The following ITGAX variants were observed in gnomAD, a reference collection of about 807,000 sequenced individuals.
The protein encoded by ITGAX is integrin subunit alpha X.
ITGAX carries 99 observed loss-of-function variants against 140.2 expected under a neutral mutation model. That is an observed-to-expected ratio of 0.71 (90% CI 0.60 to 0.83). The LOEUF (loss-of-function observed/expected upper bound fraction) is 0.83, where lower values mean the gene tolerates loss of function less well. Ranked by LOEUF, ITGAX falls within the 40% of genes least tolerant of loss-of-function variation. ITGAX has a pLI of 0.00. For synonymous variants in ITGAX, 631 were observed against 600.4 expected (o/e 1.05, Z -0.75); for missense variants, 1,444 against 1,482.0 (o/e 0.97, Z 0.42).
Position 31,360,395 on chromosome 16 carries a change from GA to G in ITGAX, c.794del (p.Asp265AlafsTer26). ...IVITDGKKEGDSLDYKDVIPM... is the reference protein window; with the variant it reads ...IVITDGKKEGXSLDYKDVIPM... ...CATCACTGATGGGAAGAAAGAAGGCGACAGCCTGGATTATAAGGATGTCATC... is the reference window on the plus strand; with the variant it reads ...CATCACTGATGGGAAGAAAGAAGGCGCAGCCTGGATTATAAGGATGTCATC... On this transcript the variant is annotated frameshift_variant, in exon 8 of 30. Coordinates refer to ENST00000268296, the MANE Select transcript of ITGAX (RefSeq NM_000887.5). LOFTEE classifies it high-confidence loss of function. The G allele has an allele frequency of 6.2e-7, 1 of 1,614,050 alleles. No homozygotes were observed. The highest frequency in any genetic ancestry group is 8.5e-7 in the Non-Finnish European group (1 of 1,179,980).
chr16:31,367,897 C>T (rs1275392254), intron 14 of ITGAX, among the ~76,000 whole-genome samples: 1 of 152,190 alleles, frequency 6.6e-6, no homozygotes, highest in Non-Finnish European at 1.5e-5. Flanking sequence ...AAAAATTCAC[C>T]ATTTTAGATG....
intron 9 of ITGAX, 132 bp from the exon 10 acceptor site, chr16:31,361,704 A>G: frequency 9.9e-7 from 1 of 1,010,322 alleles, no homozygotes; most frequent in Non-Finnish European, 1.5e-6. Context: ...TGGAGGGCAG[A>G]GCCTGGTCCC....
chr16:31,366,277 G>C (rs926325509), intron 14 of ITGAX, among the ~76,000 whole-genome samples: 3 of 152,170 alleles, frequency 2.0e-5, no homozygotes, highest in Non-Finnish European at 2.9e-5. Context: ...TGTGATCAGT[G>C]ATCTTCGATG....
chr16:31,382,228 C>CTTTTTTTTTTTTTTCTTTTTTTTT lies in ITGAX; in HGVS notation c.*335_*336insCTTTTTTTTTTTTTTTTTTTTTTT. On this transcript the variant is annotated 3_prime_UTR_variant, in exon 30 of 30. Coordinates refer to ENST00000268296, the MANE Select transcript of ITGAX (RefSeq NM_000887.5). ...GGCACGAATGATCTTTCTTTCCTTT[C>CTTTTTTTTTTTTTTCTTTTTTTTT]TTTTTTTTTTTTTTTCTTTTCTTTT... is the stretch of plus-strand genomic sequence containing the variant. The CTTTTTTTTTTTTTTCTTTTTTTTT allele has an allele frequency of 2.2e-6, 2 of 902,768 alleles. No individual in the cohort carries two copies. The highest frequency in any genetic ancestry group is 2.2e-5 in the South Asian group (1 of 45,500). The allele number at this position is 902,768 out of a possible 1,614,324, so 55.9% of individuals were successfully genotyped here.
intron 28 of ITGAX, 86 bp from the exon 29 acceptor site, chr16:31,380,811 G>A (rs746802770): frequency 8.3e-6 from 11 of 1,327,848 alleles, no homozygotes; most frequent in Admixed American, 3.6e-5. Context: ...GGGAAGGAGG[G>A]GAGGGAGTTA....
At position 31,374,744 on chromosome 16, in the gene ITGAX, C is replaced by T. The variant is rs1246040862; in HGVS notation, c.2508+1354C>T. On this transcript the variant is annotated intron_variant, in intron 20 of 29. Coordinates refer to ENST00000268296, the MANE Select transcript of ITGAX (RefSeq NM_000887.5). ...GACATGAGCCACTGTGCCTGACCTG[C>T]TAAAGTATTTTAAAACAAATCTCAG... is the stretch of plus-strand genomic sequence containing the variant. Among the ~76,000 whole-genome samples, 4 of 152,186 alleles carry T rather than the reference C, an allele frequency of 2.6e-5. No homozygotes were observed. In the South Asian group the frequency reaches 6.2e-4, roughly 24 times the overall value.
rs374147963 is a variant in ITGAX at position 31,371,074 on chromosome 16, C to T, written c.1711-10C>T. On this transcript the variant is annotated splice_polypyrimidine_tract_variant and intron_variant, in intron 14 of 29. Transcript: ENST00000268296. Reference sequence around the variant, plus strand: ...TTCCATCTTGATTCACCCTTCTCTCCTCTGGCCAGCGGATCGCGGGCTCCC... The same window carrying T: ...TTCCATCTTGATTCACCCTTCTCTCTTCTGGCCAGCGGATCGCGGGCTCCC... The T allele has an allele frequency of 3.6e-5, 58 of 1,613,768 alleles. 2 individuals carry two copies. The highest frequency in any genetic ancestry group is 3.4e-4 in the Middle Eastern group (2 of 5,860).
At chr16:31,366,903 T>A (rs183654288) in intron 14 of ITGAX, among the ~76,000 whole-genome samples, 14 of 152,374 alleles carry the variant, frequency 9.2e-5, no homozygotes, top group African/African-American at 3.4e-4. Flanking sequence ...TGAAGGCCTT[T>A]TGCACCAAAC....
chr16:31,361,514 G>A lies in ITGAX; in HGVS notation c.1012+301G>A, dbSNP rs1055685748. 1.3e-5 allele frequency: 9 copies of A among 672,912 alleles called. No individual in the cohort carries two copies. In the Admixed American group the frequency reaches 1.7e-4, roughly 13 times the overall value. The allele number at this position is 672,912 out of a possible 1,614,324, so 41.7% of individuals were successfully genotyped here. ...CCCAGGAGACCCTTCCACCCACACC[G>A]GGCCCTACCCAGCCCACATCCCACC... On this transcript the variant is annotated intron_variant, in intron 9 of 29. Coordinates refer to ENST00000268296, the MANE Select transcript of ITGAX (RefSeq NM_000887.5).
At position 31,360,069 on chromosome 16, in the gene ITGAX, A is replaced by G; in HGVS notation, c.707+4A>G. 1.9e-6 allele frequency: 3 copies of G among 1,609,014 alleles called. No homozygotes were observed. The highest frequency in any genetic ancestry group is 2.5e-6 in the Non-Finnish European group (3 of 1,179,974). Reference sequence around the variant, plus strand: ...CCACCGCCATCCAAAATGTCGTGTGAGTCCTGATTTCTTCCAGGCACAGTC... The same window carrying G: ...CCACCGCCATCCAAAATGTCGTGTGGGTCCTGATTTCTTCCAGGCACAGTC... On this transcript the variant is annotated splice_donor_region_variant and intron_variant, in intron 7 of 29. Transcript: ENST00000268296.
At chr16:31,364,517 T>C (rs1374800153) in intron 14 of ITGAX, among the ~76,000 whole-genome samples, 2 of 143,026 alleles carry the variant, frequency 1.4e-5, no homozygotes, top group East Asian at 4.3e-4. Flanking sequence ...AATGGGTGCA[T>C]AAAATGATTC....
chr16:31,382,240 T>TTTC lies in ITGAX; in HGVS notation c.*335_*336insCTT. On this transcript the variant is annotated 3_prime_UTR_variant, in exon 30 of 30. Transcript: ENST00000268296. Reference sequence around the variant, plus strand: ...CTTTCTTTCCTTTCTTTTTTTTTTTTTTTCTTTTCTTTTTTTTTTTTTTGA... The same window carrying TTTC: ...CTTTCTTTCCTTTCTTTTTTTTTTTTTTCTTTCTTTTCTTTTTTTTTTTTTTGA... 8.9e-7 allele frequency: 1 copy of TTTC among 1,129,234 alleles called. No individual in the cohort carries two copies. The allele number at this position is 1,129,234 out of a possible 1,614,324, so 70.0% of individuals were successfully genotyped here.
chr16:31,371,734 C>T lies in ITGAX; in HGVS notation c.2110C>T (p.Arg704Ter), dbSNP rs753410813. ...AAAGAACCGGAGTCTGAGCCGAGTCCGAGTCCTCGGGCTGAAGGCACACTG... is the reference window on the plus strand; with the variant it reads ...AAAGAACCGGAGTCTGAGCCGAGTCTGAGTCCTCGGGCTGAAGGCACACTG... ...ETKNRSLSRV[R>*]VLGLKAHCEN... is the part of the protein sequence containing the mutation. Residue 704 changes from arginine (R) to a stop codon, truncating the protein, a stop_gained, in exon 17 of 30, where the codon CGA becomes TGA. Transcript: ENST00000268296. LOFTEE classifies it high-confidence loss of function. 10 of 1,614,104 alleles carry T rather than the reference C, an allele frequency of 6.2e-6. No individual in the cohort carries two copies. The East Asian group carries it at 8.9e-5, about 14-fold the overall frequency.
In ITGAX at chr16:31,380,259, C is replaced by T. The variant is rs752846474; in HGVS notation, c.3061-7C>T. 7 of 1,612,858 alleles carry T rather than the reference C, an allele frequency of 4.3e-6. No individual in the cohort carries two copies. The highest frequency in any genetic ancestry group is 2.2e-5 in the East Asian group (1 of 44,816). ...TTCTCAGCCCCATGCTATTTATCTG[C>T]CCCCAGGACTGCTCCATTGCTGGCT... On this transcript the variant is annotated splice_region_variant and splice_polypyrimidine_tract_variant and intron_variant, in intron 26 of 29. Transcript: ENST00000268296.
At position 31,371,556 on chromosome 16, in the gene ITGAX, C is replaced by A. The variant is rs556349070; in HGVS notation, c.2005+59C>A. The A allele has an allele frequency of 8.7e-6, 14 of 1,609,226 alleles. No homozygotes were observed. In the South Asian group the frequency reaches 1.4e-4, roughly 16 times the overall value. On this transcript the variant is annotated intron_variant, in intron 16 of 29. Coordinates refer to ENST00000268296, the MANE Select transcript of ITGAX (RefSeq NM_000887.5). ...GACCTCTGGAGTCCCCCATCCCAGG[C>A]CCCTGTCTCCCACCCTGCTCATTGT... is the stretch of plus-strand genomic sequence containing the variant.
At chr16:31,370,959 C>A in intron 14 of ITGAX, 125 bp from the exon 15 acceptor site, 1 of 1,173,882 alleles carries the variant, frequency 8.5e-7, no homozygotes, top group South Asian at 1.3e-5. Flanking sequence ...TTCTTGGTGA[C>A]ATCTGTTCAC....
In ITGAX at chr16:31,362,924, C is replaced by T. The variant is rs777739849; in HGVS notation, c.1360-11C>T. 6.2e-7 allele frequency: 1 copy of T among 1,611,550 alleles called. No individual in the cohort carries two copies. The highest frequency in any genetic ancestry group is 1.1e-5 in the South Asian group (1 of 90,992). On this transcript the variant is annotated splice_polypyrimidine_tract_variant and intron_variant, in intron 12 of 29. Coordinates refer to ENST00000268296, the MANE Select transcript of ITGAX (RefSeq NM_000887.5). ...AGGGACAGGCAGCATGACCCAGGCT[C>T]TGCCCTTCAGATCGGCTCCTACTTC...
chr16:31,371,172 T>G lies in ITGAX; in HGVS notation c.1799T>G (p.Val600Gly). ...GGQDLTQDGL[V>G]DLAVGARGQV... is the part of the protein sequence containing the mutation. ...CAAGACCTCACCCAGGATGGACTGG[T>G]GGACCTGGCTGTGGGGGCCCGGGGC... The change falls in exon 15 of 30, where the codon GTG (valine) becomes GGG (glycine). Residue 600 changes from valine to glycine, a missense_variant. Coordinates refer to ENST00000268296, the MANE Select transcript of ITGAX (RefSeq NM_000887.5). 1 of 1,612,792 alleles carries G rather than the reference T, an allele frequency of 6.2e-7. No individual in the cohort carries two copies. The highest frequency in any genetic ancestry group is 8.5e-7 in the Non-Finnish European group (1 of 1,179,416).
chr16:31,359,662 A>G (rs773956136), intron 5 of ITGAX, 38 bp from the exon 6 acceptor site: 12 of 1,609,646 alleles, frequency 7.5e-6, no homozygotes, highest in Non-Finnish European at 1.0e-5. Context: ...GGACTCCAGG[A>G]GTGTCACTTG....
Sources: gnomAD v4.1 joint callset for allele counts (sites outside exome capture counted in the v4.1 genomes callset) on GRCh38, gnomAD v4.1.1 for gene constraint, MANE v1.5 for transcripts, NCBI Gene and HGNC (gene_info 2026-07-23, HGNC 2026-07-21) for gene names.